Variants in ESRP1 observed in about 807,000 individuals in gnomAD.
The protein encoded by ESRP1 is RNA-binding motif protein 35A.
In ESRP1, 33 loss-of-function variants were observed where a neutral mutation model predicts 81.7. The observed-to-expected ratio is 0.40, with a 90% CI of 0.31 to 0.54. The LOEUF is 0.54. ESRP1 is among the 20% of genes least tolerant of loss of function. The pLI is 0.41. For missense variants in ESRP1, 672 were observed against 833.1 expected (o/e 0.81, Z 2.38); for synonymous variants, 320 against 303.3 (o/e 1.06, Z -0.57).
intron 4 of ESRP1, among the ~76,000 whole-genome samples, chr8:94,654,626 C>T (rs79981180): frequency 6.6e-6 from 1 of 151,928 alleles, no homozygotes; most frequent in Non-Finnish European, 1.5e-5. Context: ...ATTTTTTACC[C>T]TCTAAGAGTA....
chr8:94,646,065 C>T (rs1586171485), intron 3 of ESRP1, 103 bp from the exon 4 acceptor site: 1 of 541,730 alleles, frequency 1.8e-6, no homozygotes, highest in Non-Finnish European at 3.2e-6. Flanking sequence ...TTAAATTTTT[C>T]CATTGTAAAA....
At chr8:94,668,563 T>G (rs969066709) in intron 10 of ESRP1, among the ~76,000 whole-genome samples, 42 of 152,240 alleles carry the variant, frequency 2.8e-4, no homozygotes, top group African/African-American at 9.6e-4. Flanking sequence ...AAGTGCATAC[T>G]TTATCTAGAA....
chr8:94,644,120 A>G (rs942231156), intron 3 of ESRP1, among the ~76,000 whole-genome samples: 4 of 152,224 alleles, frequency 2.6e-5, no homozygotes, highest in Admixed American at 1.3e-4. Flanking sequence ...ATACAGTCTT[A>G]CTATAGGTAA....
intron 13 of ESRP1, among the ~76,000 whole-genome samples, chr8:94,689,198 C>T (rs1809269767): frequency 7.2e-6 from 1 of 137,996 alleles, no homozygotes; most frequent in Non-Finnish European, 1.5e-5. Flanking sequence ...TTGTAGTGAG[C>T]TGAGATTGAA....
At chr8:94,689,520 T>C (rs1353456668) in intron 13 of ESRP1, among the ~76,000 whole-genome samples, 4 of 152,078 alleles carry the variant, frequency 2.6e-5, no homozygotes, top group African/African-American at 9.7e-5. Context: ...GATCTAGTAG[T>C]TTTTTAGTAA....
intron 13 of ESRP1, among the ~76,000 whole-genome samples, chr8:94,686,392 C>G (rs1217066984): frequency 6.6e-6 from 1 of 152,252 alleles, no homozygotes; most frequent in African/African-American, 2.4e-5. Context: ...TAATCAATGT[C>G]TTTGCAACTG....
intron 4 of ESRP1, among the ~76,000 whole-genome samples, chr8:94,649,908 ACT>A (rs1446550114): frequency 4.0e-5 from 6 of 151,868 alleles, no homozygotes; most frequent in South Asian, 2.1e-4. Context: ...ATACATACAC[ACT>A]CTCACTCACT....
chr8:94,689,878 G>GCCATCTCAGCTCACTGCAAGCT (rs1809316166), intron 13 of ESRP1, among the ~76,000 whole-genome samples: 1 of 143,114 alleles, frequency 7.0e-6, no homozygotes, highest in Non-Finnish European at 1.5e-5. Context: ...GTGCAGTGGC[G>GCCATCTCAGCTCACTGCAAGCT]CCATCTCAGC....
intron 4 of ESRP1, chr8:94,649,424 C>T: frequency 1.1e-5 from 1 of 89,138 alleles, no homozygotes; most frequent in South Asian, 5.4e-4. Context: ...GTCTCAGACT[C>T]CTGAACTCAA....
chr8:94,667,748 T>C (rs1306899667), intron 9 of ESRP1, among the ~76,000 whole-genome samples: 1 of 152,186 alleles, frequency 6.6e-6, no homozygotes, highest in Non-Finnish European at 1.5e-5. Context: ...GCTTCCTAAA[T>C]TAAGAAGGAT....
chr8:94,665,031 A>G lies in ESRP1; in HGVS notation c.860A>G (p.Lys287Arg), dbSNP rs747729420. Reference protein sequence around the residue: ...EHRDLALQRHKHHMGTRYIEV... With the variant: ...EHRDLALQRHRHHMGTRYIEV... Reference sequence around the variant, plus strand: ...CGAGACCTAGCACTACAGAGGCACAAACATCACATGGGGACCCGGTATATT... The same window carrying G: ...CGAGACCTAGCACTACAGAGGCACAGACATCACATGGGGACCCGGTATATT... The change falls in exon 8 of 16, where the codon AAA becomes AGA. Residue 287 changes from lysine (K) to arginine (R), a missense_variant. Coordinates refer to ENST00000433389, the MANE Select transcript of ESRP1 (RefSeq NM_017697.4). 1.4e-5 allele frequency: 23 copies of G among 1,613,746 alleles called. No individual in the cohort carries two copies. In the Admixed American group the frequency reaches 1.8e-4, roughly 13 times the overall value.
chr8:94,663,429 A>G (rs1818858239), intron 6 of ESRP1, among the ~76,000 whole-genome samples: 8 of 152,050 alleles, frequency 5.3e-5, no homozygotes, highest in Admixed American at 5.2e-4. Flanking sequence ...TATTTTTAGT[A>G]GAGATGGGGT....
At chr8:94,642,891 T>G (rs1586166641) in intron 2 of ESRP1, among the ~76,000 whole-genome samples, 1 of 152,288 alleles carries the variant, frequency 6.6e-6, no homozygotes, top group East Asian at 1.9e-4. Context: ...ACTTTCCAGA[T>G]CTGTATACCC....
At chr8:94,698,724 C>CA (rs1809700707) in intron 15 of ESRP1, among the ~76,000 whole-genome samples, 1 of 152,226 alleles carries the variant, frequency 6.6e-6, no homozygotes. Context: ...ATTCTATTAA[C>CA]ATTTTCATGG....
At chr8:94,652,062 A>G (rs1818172380) in intron 4 of ESRP1, among the ~76,000 whole-genome samples, 1 of 122,908 alleles carries the variant, frequency 8.1e-6, no homozygotes, top group African/African-American at 3.2e-5. Context: ...ATCTTGGTTC[A>G]CTGCAACCTT....
intron 4 of ESRP1, among the ~76,000 whole-genome samples, chr8:94,648,081 A>G (rs190592260): frequency 2.0e-5 from 3 of 152,166 alleles, no homozygotes; most frequent in Admixed American, 2.0e-4. Flanking sequence ...ATATAGAGAA[A>G]CCCCATGTCA....
At chr8:94,662,770 G>A (rs1332445795) in intron 6 of ESRP1, among the ~76,000 whole-genome samples, 1 of 152,000 alleles carries the variant, frequency 6.6e-6, no homozygotes, top group Non-Finnish European at 1.5e-5. Context: ...ACCATACCTG[G>A]CTAATTTTTT....
chr8:94,647,839 A>G (rs1236000999), intron 4 of ESRP1, among the ~76,000 whole-genome samples: 1 of 152,144 alleles, frequency 6.6e-6, no homozygotes, highest in Non-Finnish European at 1.5e-5. Context: ...AGCTATCTTA[A>G]TTTAGAAAAA....
intron 15 of ESRP1, among the ~76,000 whole-genome samples, chr8:94,699,263 G>A (rs1441897435): frequency 1.3e-5 from 2 of 151,878 alleles, no homozygotes; most frequent in Admixed American, 6.6e-5. Context: ...ATAACAGATC[G>A]GGCGCTGTGT....
Sources: allele counts gnomAD v4.1 joint callset (sites outside exome capture counted in the v4.1 genomes callset), GRCh38; gene constraint gnomAD v4.1.1; transcripts MANE v1.5; gene names NCBI Gene and HGNC (gene_info 2026-07-23, HGNC 2026-07-21).